The following ZNF426 variants were observed in gnomAD, a reference collection of about 807,000 sequenced individuals.
The protein encoded by ZNF426 is zinc finger protein 426.
ZNF426 carries 23 observed loss-of-function variants against 24.0 expected under a neutral mutation model. The ratio of observed to expected loss-of-function variants is 0.96; its 90% confidence interval spans 0.69 to 1.36. The LOEUF (loss-of-function observed/expected upper bound fraction) is 1.36. Ranked by LOEUF, ZNF426 falls within the 40% of genes most tolerant of loss-of-function variation. ZNF426 has a pLI of 0.00. For missense variants in ZNF426, 646 were observed against 658.4 expected, an observed-to-expected ratio of 0.98 and a Z score of 0.21; for synonymous variants, 272 against 224.6, an observed-to-expected ratio of 1.21 and a Z score of -1.89.
rs917983246 is a variant in ZNF426 at position 9,528,268 on chromosome 19, A to G, written c.*112T>C. The G allele has an allele frequency of 3.4e-6, 4 of 1,160,816 alleles. No homozygotes were observed. Among genetic ancestry groups the G allele is most frequent in the Non-Finnish European group, 4.8e-6 (4 of 834,498 alleles). The allele number at this position is 1,160,816 out of a possible 1,614,324, so 71.9% of individuals were successfully genotyped here. ...CTCTCAAAATGCTGGGATTACAGGA[A>G]TTAAGTAATTTTCATGCAGCTTCTT... On this transcript the variant is annotated 3_prime_UTR_variant, in exon 8 of 8. Coordinates refer to ENST00000253115, the MANE Select transcript of ZNF426 (RefSeq NM_024106.3).
At chr19:9,537,977 C>G (rs766104202) in intron 2 of ZNF426, among the ~76,000 whole-genome samples, 12 of 152,158 alleles carry the variant, frequency 7.9e-5, no homozygotes, top group Non-Finnish European at 1.3e-4. Flanking sequence ...TTAAGAAGCT[C>G]TCTTGGGATG....
rs774012095 is a variant in ZNF426 at position 9,536,330 on chromosome 19, C to T, written c.-98G>A. The T allele has an allele frequency of 1.2e-6, 2 of 1,610,104 alleles. No homozygotes were observed. The highest frequency in any genetic ancestry group is 1.1e-5 in the South Asian group (1 of 90,206). On this transcript the variant is annotated 5_prime_UTR_variant, in exon 3 of 8. Transcript: ENST00000253115. ...TAAATGGACAGTGGCAATCTCCATT[C>T]CTCTTTAAACAGGGTTATTGGGATT...
chr19:9,530,445 C>A (rs1303516282), intron 7 of ZNF426, among the ~76,000 whole-genome samples: 1 of 146,494 alleles, frequency 6.8e-6, no homozygotes, highest in African/African-American at 2.5e-5. Flanking sequence ...CACAGCAAGA[C>A]CTTGTCTCGA....
chr19:9,535,161 A>G, intron 4 of ZNF426, 27 bp downstream of exon 4: 4 of 1,572,678 alleles, frequency 2.5e-6, no homozygotes, highest in South Asian at 2.2e-5. Flanking sequence ...GTATGTCACT[A>G]TGTATAAGAA....
intron 6 of ZNF426, among the ~76,000 whole-genome samples, chr19:9,532,105 G>T (rs1026313631): frequency 2.4e-4 from 37 of 152,046 alleles, no homozygotes; most frequent in African/African-American, 8.2e-4. Flanking sequence ...CTTCGATCTG[G>T]TAACTGAGAT....
intron 3 of ZNF426, 149 bp downstream of exon 3, chr19:9,536,059 A>G: frequency 1.1e-6 from 1 of 877,850 alleles, no homozygotes; most frequent in Non-Finnish European, 1.8e-6. Flanking sequence ...ATTCACAGGC[A>G]GAGCCTGACT....
chr19:9,536,866 G>T (rs1449993065), intron 2 of ZNF426, among the ~76,000 whole-genome samples: 3 of 151,322 alleles, frequency 2.0e-5, no homozygotes, highest in Non-Finnish European at 4.4e-5. Context: ...TGGGCAGGGT[G>T]GCTCACGCCT....
chr19:9,534,692 T>G (rs2073938692), intron 4 of ZNF426, among the ~76,000 whole-genome samples: 1 of 152,044 alleles, frequency 6.6e-6, no homozygotes, highest in South Asian at 2.1e-4. Flanking sequence ...CCTCCAGGGC[T>G]GAAGTGATCC....
At chr19:9,532,979 C>A in intron 5 of ZNF426, 54 bp from the exon 6 acceptor site, 2 of 1,448,398 alleles carry the variant, frequency 1.4e-6, no homozygotes, top group Non-Finnish European at 1.9e-6. Context: ...GATTACAAAC[C>A]TTTCTGTGAT....
Position 9,524,621 on chromosome 19 carries a change from A to T in ZNF426, c.*3759T>A, listed in dbSNP as rs989759024. On this transcript the variant is annotated 3_prime_UTR_variant, in exon 8 of 8. Transcript: ENST00000253115. ...ACATGGAGAATCCCTGCCTTCACTA[A>T]AAATACAAAATTAGCTGGGCATGGT... 6.6e-6 allele frequency: 1 copy of T among 151,960 alleles called. No individual in the cohort carries two copies. Among genetic ancestry groups the T allele is most frequent in the Non-Finnish European group, 1.5e-5 (1 of 68,022 alleles). The allele number at this position is 151,960 out of a possible 1,614,324, so 9.4% of individuals were successfully genotyped here.
At chr19:9,530,730 T>G (rs143062503) in intron 7 of ZNF426, among the ~76,000 whole-genome samples, 23 of 152,206 alleles carry the variant, frequency 1.5e-4, no homozygotes, top group African/African-American at 5.5e-4. Flanking sequence ...ACCACTGCAC[T>G]CCAGCCTGGG....
In ZNF426 at chr19:9,525,066, A is replaced by T. The variant is rs1028426574; in HGVS notation, c.*3314T>A. 1.3e-5 allele frequency: 2 copies of T among 151,064 alleles called. No homozygotes were observed. The highest frequency in any genetic ancestry group is 4.9e-5 in the African/African-American group (2 of 41,194). 9.4% of individuals were successfully genotyped at this position (151,064 alleles called of 1,614,324 possible). Reference sequence around the variant, plus strand: ...AGATCGAGACCATCCTGGCTAACACAGTGAAACCCCGTCTCTACTAAAAAT... The same window carrying T: ...AGATCGAGACCATCCTGGCTAACACTGTGAAACCCCGTCTCTACTAAAAAT... On this transcript the variant is annotated 3_prime_UTR_variant, in exon 8 of 8. Transcript: ENST00000253115.
intron 2 of ZNF426, among the ~76,000 whole-genome samples, chr19:9,537,553 G>A (rs1038601285): frequency 1.6e-4 from 24 of 147,852 alleles, no homozygotes; most frequent in Non-Finnish European, 3.4e-4. Flanking sequence ...GCCTCTCAAA[G>A]TGCTGGGATC....
intron 6 of ZNF426, 70 bp from the exon 7 acceptor site, chr19:9,531,137 C>A (rs1407017012): frequency 3.8e-6 from 5 of 1,302,652 alleles, no homozygotes; most frequent in Non-Finnish European, 5.6e-6. Flanking sequence ...GTAATCCCAG[C>A]ACTTTGGGAG....
In ZNF426 at chr19:9,532,835, G is replaced by A. The variant is rs769362996; in HGVS notation, c.325+10C>T. 2 of 1,605,656 alleles carry A rather than the reference G, an allele frequency of 1.2e-6. No homozygotes were observed. Among genetic ancestry groups the A allele is most frequent in the African/African-American group, 2.7e-5 (2 of 74,624 alleles). ...CTCATCAACCAGAGTTGTTCTTCAT[G>A]AACACTCACCTTGGAGAACTCCTCC... is the stretch of plus-strand genomic sequence containing the variant. On this transcript the variant is annotated intron_variant, in intron 6 of 7. Coordinates refer to ENST00000253115, the MANE Select transcript of ZNF426 (RefSeq NM_024106.3).
At position 9,532,931 on chromosome 19, in the gene ZNF426, C is replaced by T; in HGVS notation, c.245-6G>A. On this transcript the variant is annotated splice_polypyrimidine_tract_variant and splice_region_variant and intron_variant, in intron 5 of 7. Coordinates refer to ENST00000253115, the MANE Select transcript of ZNF426 (RefSeq NM_024106.3). ...GGGTTTGATGATCTGACCTCCTGAG[C>T]ACAGAGAAATACATTAATGGAAGAG... 1.2e-6 allele frequency: 2 copies of T among 1,610,638 alleles called. No homozygotes were observed. Among genetic ancestry groups the T allele is most frequent in the Non-Finnish European group, 1.7e-6 (2 of 1,177,116 alleles).
chr19:9,537,808 G>A (rs896092700), intron 2 of ZNF426, among the ~76,000 whole-genome samples: 4 of 151,776 alleles, frequency 2.6e-5, no homozygotes, highest in African/African-American at 9.7e-5. Flanking sequence ...CCACCACCAC[G>A]CTCGGCTAAT....
intron 2 of ZNF426, among the ~76,000 whole-genome samples, chr19:9,537,324 C>CA (rs1240967765): frequency 6.6e-6 from 1 of 151,988 alleles, no homozygotes; most frequent in Admixed American, 6.6e-5. Flanking sequence ...CCTAAAGTCA[C>CA]AAAAACCACA....
At chr19:9,537,674 G>A (rs2073988926) in intron 2 of ZNF426, among the ~76,000 whole-genome samples, 1 of 150,520 alleles carries the variant, frequency 6.6e-6, no homozygotes, top group South Asian at 2.1e-4. Context: ...CTTTTGAGAC[G>A]GAGGCTCACT....
Sources: gnomAD v4.1 joint callset for allele counts (sites outside exome capture counted in the v4.1 genomes callset) on GRCh38, gnomAD v4.1.1 for gene constraint, MANE v1.5 for transcripts, NCBI Gene and HGNC (gene_info 2026-07-23, HGNC 2026-07-21) for gene names.